The following FAM118B variants were observed in gnomAD, a reference collection of about 807,000 sequenced individuals.
FAM118B encodes the protein SIR2 antiphage like 1.
In FAM118B, 24 loss-of-function variants were observed where a neutral mutation model predicts 38.5. The observed-to-expected ratio is 0.62, with a 90% CI of 0.45 to 0.88. The LOEUF is 0.88. Ranked by LOEUF, FAM118B falls within the 40% of genes least tolerant of loss-of-function variation. The pLI is 0.00. For synonymous variants in FAM118B, 138 were observed against 156.3 expected (o/e 0.88, Z 0.87); for missense variants, 334 against 420.0 (o/e 0.80, Z 1.79).
chr11:126,229,059 C>A (rs1317576323), intron 1 of FAM118B, among the ~76,000 whole-genome samples, 166 bp from the exon 2 acceptor site: 2 of 152,152 alleles, frequency 1.3e-5, no homozygotes, highest in Admixed American at 6.5e-5. Flanking sequence ...TCACTAGAGT[C>A]CTTAAAGAGT....
chr11:126,230,813 C>G (rs1405535489), intron 2 of FAM118B, among the ~76,000 whole-genome samples: 1 of 152,110 alleles, frequency 6.6e-6, no homozygotes, highest in African/African-American at 2.4e-5. Context: ...TGAAGGGAAG[C>G]CCAGAGCTTG....
At position 126,256,656 on chromosome 11, in the gene FAM118B, C is replaced by G; in HGVS notation, c.786C>G (p.Phe262Leu). The change falls in exon 7 of 9, where the codon TTC (phenylalanine) becomes TTG (leucine). Residue 262 changes from phenylalanine to leucine, a missense_variant. Transcript: ENST00000533050. The surrounding 1 kb of genome is among the most constrained non-coding windows in gnomAD (Gnocchi z 6.6). ...TVDDTTFQAL[F>L]LEAVKHKSDL... ...ATGACACCACTTTCCAGGCCCTTTTCTTGGAGGCTGTCAAGCATAAATCTG... is the reference window on the plus strand; with the variant it reads ...ATGACACCACTTTCCAGGCCCTTTTGTTGGAGGCTGTCAAGCATAAATCTG... 6.2e-7 allele frequency: 1 copy of G among 1,614,184 alleles called. No homozygotes were observed. Among genetic ancestry groups the G allele is most frequent in the Non-Finnish European group, 8.5e-7 (1 of 1,180,036 alleles).
intron 8 of FAM118B, 144 bp downstream of exon 8, chr11:126,261,628 C>T: frequency 3.1e-6 from 2 of 640,724 alleles, no homozygotes; most frequent in Non-Finnish European, 5.5e-6. Flanking sequence ...TCCTCTCCTA[C>T]CCATTAAGGA....
intron 1 of FAM118B, chr11:126,214,490 G>GGTTTGTTTTTTTTTTT: frequency 3.9e-5 from 1 of 25,814 alleles, no homozygotes; most frequent in Non-Finnish European, 7.4e-5. Flanking sequence ...TTTTGTTTCT[G>GGTTTGTTTTTTTTTTT]TTTTTTTTTT....
chr11:126,230,872 CT>C (rs1018310746), intron 2 of FAM118B, among the ~76,000 whole-genome samples: 11 of 152,322 alleles, frequency 7.2e-5, no homozygotes, highest in African/African-American at 2.6e-4. Flanking sequence ...TGCTGGGATT[CT>C]TTGATGTTTT....
chr11:126,254,229 A>G, intron 5 of FAM118B, 76 bp from the exon 6 acceptor site: 1 of 1,528,384 alleles, frequency 6.5e-7, no homozygotes, highest in Admixed American at 2.1e-5. Context: ...TCCTCAAAAC[A>G]GCCTCTTGCC....
At chr11:126,257,068 T>G (rs950709967) in intron 7 of FAM118B, among the ~76,000 whole-genome samples, 1 of 152,190 alleles carries the variant, frequency 6.6e-6, no homozygotes, top group Non-Finnish European at 1.5e-5. Context: ...AATATAGACA[T>G]AGGAAGAATG....
chr11:126,235,013 A>C lies in FAM118B; in HGVS notation c.12A>C (p.Thr4=), dbSNP rs1167685335. ...ATTTTAGAAACTGGATGGCTTCTAC[A>C]GGGAGCCAGGCCTCTGATATAGACG... MAS[T]GSQASDIDEI... Residue 4 remains threonine, a synonymous_variant, in exon 3 of 9, where the codon ACA becomes ACC. Transcript: ENST00000533050. 1.2e-5 allele frequency: 19 copies of C among 1,613,852 alleles called. No homozygotes were observed. Among genetic ancestry groups the C allele is most frequent in the Non-Finnish European group, 1.6e-5 (19 of 1,179,862 alleles).
intron 4 of FAM118B, 153 bp downstream of exon 4, chr11:126,241,197 C>A: frequency 1.3e-6 from 1 of 767,346 alleles, no homozygotes; most frequent in Non-Finnish European, 2.0e-6. Flanking sequence ...CTCTTCTGCG[C>A]AATGTCTGTT....
intron 2 of FAM118B, among the ~76,000 whole-genome samples, chr11:126,234,640 C>T (rs1389894100): frequency 6.6e-6 from 1 of 152,180 alleles, no homozygotes; most frequent in Non-Finnish European, 1.5e-5. Context: ...CTTCCGCAAA[C>T]CCATCTTGTG....
chr11:126,219,349 C>CTT (rs549922825), intron 1 of FAM118B, among the ~76,000 whole-genome samples: 1 of 44,466 alleles, frequency 2.2e-5, no homozygotes, highest in African/African-American at 1.0e-4. Flanking sequence ...TCTTGTTTAT[C>CTT]TTTTTTTTTT....
At chr11:126,240,642 A>C in intron 3 of FAM118B, 150 bp from the exon 4 acceptor site, 2 of 724,606 alleles carry the variant, frequency 2.8e-6, no homozygotes, top group Non-Finnish European at 4.3e-6. Context: ...TGTTTTCTTT[A>C]AACTGCTTTG....
chr11:126,240,275 CTT>C (rs199839025), intron 3 of FAM118B, among the ~76,000 whole-genome samples: 17 of 136,374 alleles, frequency 1.2e-4, no homozygotes, highest in Admixed American at 2.9e-4. Flanking sequence ...CTTTTTTTTT[CTT>C]TTTTTTTTTT....
intron 1 of FAM118B, among the ~76,000 whole-genome samples, chr11:126,219,561 C>T (rs891198445): frequency 6.6e-6 from 1 of 151,718 alleles, no homozygotes; most frequent in Admixed American, 6.6e-5. Flanking sequence ...CAGGGTCTCC[C>T]TATTGTTTAT....
At chr11:126,233,740 T>C (rs1430484941) in intron 2 of FAM118B, 1 of 456,348 alleles carries the variant, frequency 2.2e-6, no homozygotes, top group African/African-American at 2.0e-5. Context: ...GTGAGCCTTC[T>C]GTTTACCACA....
chr11:126,254,997 C>G (rs1240998640), intron 6 of FAM118B, among the ~76,000 whole-genome samples: 1 of 152,164 alleles, frequency 6.6e-6, no homozygotes, highest in Non-Finnish European at 1.5e-5. Flanking sequence ...GCATCATCTT[C>G]ACATACAAAG....
chr11:126,222,308 A>G (rs1447890998), intron 1 of FAM118B, among the ~76,000 whole-genome samples: 1 of 152,214 alleles, frequency 6.6e-6, no homozygotes, highest in Non-Finnish European at 1.5e-5. Context: ...CAGCAATACT[A>G]ATATTCTTAG....
In FAM118B at chr11:126,256,258, T is replaced by G. The variant is rs1950577848; in HGVS notation, c.697-309T>G. Among the ~76,000 whole-genome samples, 1 of 152,186 alleles carries G rather than the reference T, an allele frequency of 6.6e-6. No individual in the cohort carries two copies. The highest frequency in any genetic ancestry group is 2.1e-4 in the South Asian group (1 of 4,826). On this transcript the variant is annotated intron_variant, in intron 6 of 8. Coordinates refer to ENST00000533050, the MANE Select transcript of FAM118B (RefSeq NM_024556.4). This position sits in a 1 kb window ranked among gnomAD's most constrained non-coding sequence, Gnocchi z 6.6. Reference sequence around the variant, plus strand: ...TCTAGCCCAGGTGAAAGAGTGAGACTCCGTCTCAAAAAATATATAAAGCAT... The same window carrying G: ...TCTAGCCCAGGTGAAAGAGTGAGACGCCGTCTCAAAAAATATATAAAGCAT...
intron 3 of FAM118B, among the ~76,000 whole-genome samples, chr11:126,237,856 C>CAAAA (rs1279296349): frequency 1.7e-5 from 1 of 60,030 alleles, no homozygotes; most frequent in Non-Finnish European, 3.4e-5. Flanking sequence ...ACTCCGTCTC[C>CAAAA]AAAAAAAAAA....
Sources: allele counts gnomAD v4.1 joint callset (sites outside exome capture counted in the v4.1 genomes callset), GRCh38; gene constraint gnomAD v4.1.1; non-coding constraint Gnocchi (gnomAD v3.1); transcripts MANE v1.5; gene names NCBI Gene and HGNC (gene_info 2026-07-23, HGNC 2026-07-21).